Variants in SCFD2 observed in about 807,000 individuals in gnomAD.
SCFD2 encodes the protein sec1 family domain containing 2.
Under a neutral mutation model 58.9 loss-of-function variants are expected in SCFD2, and 54 were observed. That is an observed-to-expected ratio of 0.92 (90% CI 0.74 to 1.15). The LOEUF (loss-of-function observed/expected upper bound fraction) is 1.15. Ranked by LOEUF, SCFD2 falls within the 50% of genes most tolerant of loss-of-function variation. The pLI is 0.00. For missense variants in SCFD2, 805 were observed against 836.6 expected (o/e 0.96, Z 0.47); for synonymous variants, 321 against 335.9 (o/e 0.96, Z 0.49).
Position 53,188,112 on chromosome 4 carries a change from T to C in SCFD2, c.1312-42530A>G, listed in dbSNP as rs536670387. ...GAACATCCTATGCTTAATGGTTAAATGGCAATAGAAAAAAAGACAAATAAC... is the reference window on the plus strand; with the variant it reads ...GAACATCCTATGCTTAATGGTTAAACGGCAATAGAAAAAAAGACAAATAAC... On this transcript the variant is annotated intron_variant, in intron 4 of 8. Transcript: ENST00000401642. Among the ~76,000 whole-genome samples, 34 of 152,094 alleles carry C rather than the reference T, an allele frequency of 2.2e-4. No homozygotes were observed. The South Asian group carries it at 6.6e-3, about 30-fold the overall frequency.
At chr4:52,987,895 G>C (rs564992825) in intron 5 of SCFD2, among the ~76,000 whole-genome samples, 1 of 152,278 alleles carries the variant, frequency 6.6e-6, no homozygotes, top group Non-Finnish European at 1.5e-5. Context: ...CCCCCATGTG[G>C]AGGAACTGCA....
At chr4:53,203,598 G>C (rs1728319325) in intron 4 of SCFD2, among the ~76,000 whole-genome samples, 1 of 151,954 alleles carries the variant, frequency 6.6e-6, no homozygotes, top group South Asian at 2.1e-4. Context: ...GAAGGAGATA[G>C]CAATAGCATT....
chr4:53,154,202 G>A (rs1246717739), intron 4 of SCFD2, among the ~76,000 whole-genome samples: 2 of 152,112 alleles, frequency 1.3e-5, no homozygotes, highest in Non-Finnish European at 2.9e-5. Flanking sequence ...AATACCTGAG[G>A]CTGGGTAATT....
At chr4:53,032,195 C>T (rs1275912805) in intron 5 of SCFD2, among the ~76,000 whole-genome samples, 1 of 152,150 alleles carries the variant, frequency 6.6e-6, no homozygotes, top group Admixed American at 6.6e-5. Context: ...AATTAAGCTT[C>T]ATAAGTGAAG....
intron 7 of SCFD2, among the ~76,000 whole-genome samples, chr4:52,903,421 C>T (rs1216867173): frequency 6.6e-6 from 1 of 152,164 alleles, no homozygotes; most frequent in Non-Finnish European, 1.5e-5. Context: ...TGCTACCTTG[C>T]ATCCCCTGTG....
intron 5 of SCFD2, among the ~76,000 whole-genome samples, chr4:52,936,198 C>T (rs529978610): frequency 6.6e-5 from 10 of 152,004 alleles, no homozygotes; most frequent in South Asian, 6.3e-4. Flanking sequence ...GGAGGAAGGC[C>T]GACTCCTGGG....
At chr4:53,298,126 G>A (rs1029291760) in intron 3 of SCFD2, among the ~76,000 whole-genome samples, 6 of 152,156 alleles carry the variant, frequency 3.9e-5, no homozygotes, top group Admixed American at 1.3e-4. Flanking sequence ...CACACCATGC[G>A]TGAGCCGAAG....
At chr4:52,931,714 A>G (rs567412655) in intron 5 of SCFD2, among the ~76,000 whole-genome samples, 8 of 152,230 alleles carry the variant, frequency 5.3e-5, no homozygotes, top group Admixed American at 1.3e-4. Flanking sequence ...TAGTTTCAGA[A>G]TGAATGGGCC....
chr4:52,912,671 A>C (rs556566096), intron 6 of SCFD2, among the ~76,000 whole-genome samples: 127 of 152,336 alleles, frequency 8.3e-4, no homozygotes, highest in African/African-American at 2.9e-3. Flanking sequence ...GTTAAGTTTT[A>C]ATGAGGAGAA....
At position 53,352,758 on chromosome 4, in the gene SCFD2, C is replaced by A; in HGVS notation, c.847G>T (p.Gly283Ter). Residue 283 changes from glycine to a stop codon, truncating the protein, a stop_gained, in exon 2 of 9, where the codon GGA (glycine) becomes TGA (stop). Coordinates refer to ENST00000401642, the MANE Select transcript of SCFD2 (RefSeq NM_152540.4). LOFTEE classifies it high-confidence loss of function. ...DRTLDLTGAV[G>*]HHGDNLVEKI... ...TCTACTAAGTTGTCTCCATGATGTC[C>A]AACTGCTCCTGTTTAAGCAGACAAG... 6.2e-7 allele frequency: 1 copy of A among 1,613,378 alleles called. No homozygotes were observed. Among genetic ancestry groups the A allele is most frequent in the South Asian group, 1.1e-5 (1 of 90,960 alleles).
intron 2 of SCFD2, among the ~76,000 whole-genome samples, chr4:53,336,744 G>A (rs547834467): frequency 1.3e-5 from 2 of 152,004 alleles, no homozygotes; most frequent in Admixed American, 6.6e-5. Flanking sequence ...CGAACTCCTG[G>A]CCTCAACTGA....
At chr4:53,211,572 C>T (rs1728614078) in intron 4 of SCFD2, among the ~76,000 whole-genome samples, 1 of 152,028 alleles carries the variant, frequency 6.6e-6, no homozygotes, top group South Asian at 2.1e-4. Context: ...GGGGGTCAGT[C>T]TTGGGGACTG....
intron 3 of SCFD2, among the ~76,000 whole-genome samples, chr4:53,307,652 G>A (rs187486534): frequency 7.9e-5 from 12 of 152,318 alleles, no homozygotes; most frequent in Admixed American, 7.8e-4. Flanking sequence ...CCAGTGTGGA[G>A]GAAACAGAAG....
chr4:53,037,074 A>T (rs1160776443), intron 5 of SCFD2, among the ~76,000 whole-genome samples: 2 of 152,146 alleles, frequency 1.3e-5, no homozygotes, highest in Admixed American at 1.3e-4. Context: ...AGTTCACTTT[A>T]AAAAGTGAAT....
At chr4:52,957,943 C>T (rs544007053) in intron 5 of SCFD2, 15 of 152,232 alleles carry the variant, frequency 9.9e-5, no homozygotes, top group African/African-American at 3.6e-4. Flanking sequence ...ATGGGCTGGT[C>T]GTTGCTGTTT....
intron 5 of SCFD2, among the ~76,000 whole-genome samples, chr4:52,975,482 C>T (rs748866922): frequency 1.3e-5 from 2 of 152,194 alleles, no homozygotes; most frequent in Non-Finnish European, 2.9e-5. Flanking sequence ...TACCATCTCA[C>T]ACCAGTTAGA....
intron 4 of SCFD2, among the ~76,000 whole-genome samples, chr4:53,257,754 C>T (rs1730691641): frequency 6.8e-6 from 1 of 147,340 alleles, no homozygotes; most frequent in Non-Finnish European, 1.5e-5. Context: ...ATTTTTTTGC[C>T]TCTTTCTTTA....
In SCFD2 at chr4:52,894,940, T is replaced by A. The variant is rs371316060; in HGVS notation, c.1843-9074A>T. ...AATGTTATATTGTTAAAAAACATTA[T>A]GGAAGAATAGCAAACAGGTCTTTCA... On this transcript the variant is annotated intron_variant, in intron 7 of 8. Transcript: ENST00000401642. 3.3e-5 allele frequency among the ~76,000 whole-genome samples: 5 copies of A among 152,360 alleles called. No homozygotes were observed. The South Asian group carries it at 8.3e-4, about 25-fold the overall frequency.
chr4:53,230,192 A>G (rs1470965383), intron 4 of SCFD2, among the ~76,000 whole-genome samples: 2 of 152,350 alleles, frequency 1.3e-5, no homozygotes, highest in Non-Finnish European at 2.9e-5. Flanking sequence ...AACTAGTTCA[A>G]CCATTGTGGA....
Sources: gnomAD v4.1 joint callset for allele counts (sites outside exome capture counted in the v4.1 genomes callset) on GRCh38, gnomAD v4.1.1 for gene constraint, MANE v1.5 for transcripts, NCBI Gene and HGNC (gene_info 2026-07-23, HGNC 2026-07-21) for gene names.